CRISPLD2: variants seen among roughly 807,000 people sequenced by gnomAD.
CRISPLD2 encodes cysteine-rich secretory protein LCCL domain-containing 2.
A neutral mutation model predicts 71.1 loss-of-function variants in CRISPLD2; 47 were observed. The observed-to-expected ratio is 0.66, with a 90% CI of 0.52 to 0.84. The LOEUF is 0.84. Among genes scored for constraint, CRISPLD2 ranks in the 40% least tolerant of loss-of-function variants. CRISPLD2 has a pLI of 0.00. For missense variants in CRISPLD2, 830 were observed against 651.1 expected (o/e 1.27, Z -2.99); for synonymous variants, 317 against 250.1 (o/e 1.27, Z -2.52).
At chr16:84,835,377 G>A (rs1049893653) in intron 1 of CRISPLD2, among the ~76,000 whole-genome samples, 11 of 152,178 alleles carry the variant, frequency 7.2e-5, no homozygotes, top group African/African-American at 2.4e-4. Flanking sequence ...GGGCCACCAT[G>A]CCCGGCCTAT....
intron 1 of CRISPLD2, among the ~76,000 whole-genome samples, chr16:84,831,606 A>G (rs1222922672): frequency 2.0e-5 from 3 of 151,506 alleles, no homozygotes. Context: ...GGAGCTCACC[A>G]TGTTTCCCAG....
chr16:84,831,156 G>A (rs1028512101), intron 1 of CRISPLD2, among the ~76,000 whole-genome samples: 5 of 152,170 alleles, frequency 3.3e-5, no homozygotes, highest in South Asian at 2.1e-4. Flanking sequence ...CAGCTGAGAC[G>A]CAGCCATGGA....
At chr16:84,895,261 C>T (rs935399275) in intron 14 of CRISPLD2, among the ~76,000 whole-genome samples, 5 of 152,136 alleles carry the variant, frequency 3.3e-5, no homozygotes, top group Admixed American at 2.6e-4. Context: ...AAACCTAGGC[C>T]GCCTGTACCA....
chr16:84,886,253 A>G (rs1009967155), intron 13 of CRISPLD2, among the ~76,000 whole-genome samples: 2 of 152,060 alleles, frequency 1.3e-5, no homozygotes, highest in African/African-American at 2.4e-5. Context: ...GCTAGATTGT[A>G]TTGCTTGTCC....
At chr16:84,887,674 C>T (rs889518602) in intron 13 of CRISPLD2, among the ~76,000 whole-genome samples, 4 of 152,052 alleles carry the variant, frequency 2.6e-5, no homozygotes, top group African/African-American at 4.8e-5. Flanking sequence ...GTCAGGAGTT[C>T]GACACCAGCC....
intron 6 of CRISPLD2, among the ~76,000 whole-genome samples, chr16:84,860,058 C>A (rs191988753): frequency 2.1e-5 from 3 of 144,728 alleles, no homozygotes; most frequent in Non-Finnish European, 4.5e-5. Flanking sequence ...GACTAATCCA[C>A]TCTACCATCC....
intron 1 of CRISPLD2, among the ~76,000 whole-genome samples, chr16:84,833,704 G>A (rs548804931): frequency 6.6e-6 from 1 of 152,328 alleles, no homozygotes; most frequent in Admixed American, 6.5e-5. Flanking sequence ...TCAAAGGCGA[G>A]TGGGCAGCAC....
intron 1 of CRISPLD2, among the ~76,000 whole-genome samples, chr16:84,835,854 C>T (rs946796150): frequency 4.6e-5 from 7 of 152,166 alleles, no homozygotes; most frequent in Admixed American, 3.3e-4. Flanking sequence ...CTCAGGAGGA[C>T]GTGCCAGAGG....
chr16:84,901,605 G>A (rs2071754896), intron 14 of CRISPLD2, among the ~76,000 whole-genome samples: 1 of 150,592 alleles, frequency 6.6e-6, no homozygotes, highest in African/African-American at 2.5e-5. Context: ...CCGAGTAGCT[G>A]GGATTACAGG....
chr16:84,829,652 T>G lies in CRISPLD2; in HGVS notation c.-74-8770T>G, dbSNP rs116807993. Reference sequence around the variant, plus strand: ...GGGCCACAGGTCAGAACTGCCCTGATGTTTAAGAGAGTCGCTGCGTGGACG... The same window carrying G: ...GGGCCACAGGTCAGAACTGCCCTGAGGTTTAAGAGAGTCGCTGCGTGGACG... On this transcript the variant is annotated intron_variant, in intron 1 of 14. Coordinates refer to ENST00000262424, the MANE Select transcript of CRISPLD2 (RefSeq NM_031476.4). 4.7e-3 allele frequency among the ~76,000 whole-genome samples: 714 copies of G among 152,308 alleles called. 4 individuals are homozygous for G. The highest frequency in any genetic ancestry group is 0.016 in the African/African-American group (676 of 41,558).
chr16:84,870,905 A>G (rs369283209), intron 8 of CRISPLD2, among the ~76,000 whole-genome samples: 8 of 151,758 alleles, frequency 5.3e-5, no homozygotes, highest in African/African-American at 1.9e-4. Context: ...TAGAAATACA[A>G]AAATTAGCTG....
Position 84,889,315 on chromosome 16 carries a change from A to T in CRISPLD2, c.1391A>T (p.Lys464Ile). ...GGDVDVMPVD[K>I]KKTYVGSLRN... ...GACGTGGACGTGATGCCCGTGGATAAAAAGAAGACCTACGTGGGCTCGCTC... is the reference window on the plus strand; with the variant it reads ...GACGTGGACGTGATGCCCGTGGATATAAAGAAGACCTACGTGGGCTCGCTC... Residue 464 changes from lysine (K) to isoleucine (I), a missense_variant, in exon 14 of 15, where the codon AAA becomes ATA. Transcript: ENST00000262424. 4 of 1,614,134 alleles carry T rather than the reference A, an allele frequency of 2.5e-6. No homozygotes were observed. Among genetic ancestry groups the T allele is most frequent in the Non-Finnish European group, 2.5e-6 (3 of 1,180,002 alleles).
chr16:84,887,515 G>A lies in CRISPLD2; in HGVS notation c.1306-1715G>A, dbSNP rs74031014. On this transcript the variant is annotated intron_variant, in intron 13 of 14. Coordinates refer to ENST00000262424, the MANE Select transcript of CRISPLD2 (RefSeq NM_031476.4). ...TGCCGGGGACTGATCAGGCGAGTCC[G>A]TGAGCCTGGGTGAGCCTGTTGTCCA... Among the ~76,000 whole-genome samples the A allele has an allele frequency of 6.9e-3, 1,048 of 152,326 alleles. 7 individuals are homozygous for A. Among genetic ancestry groups the A allele is most frequent in the African/African-American group, 0.024 (980 of 41,566 alleles).
chr16:84,868,752 G>A (rs1917610680), intron 7 of CRISPLD2, 99 bp from the exon 8 acceptor site: 1 of 998,604 alleles, frequency 1.0e-6, no homozygotes, highest in Admixed American at 1.9e-5. Flanking sequence ...AGCACGGATT[G>A]GATTGCAGAA....
At chr16:84,825,756 A>G (rs1597443375) in intron 1 of CRISPLD2, among the ~76,000 whole-genome samples, 1 of 151,686 alleles carries the variant, frequency 6.6e-6, no homozygotes, top group African/African-American at 2.4e-5. Flanking sequence ...CTCCATCTCA[A>G]ATAAATAAAT....
chr16:84,826,215 A>G (rs1916348766), intron 1 of CRISPLD2, among the ~76,000 whole-genome samples: 2 of 152,242 alleles, frequency 1.3e-5, no homozygotes, highest in South Asian at 4.1e-4. Context: ...TGGTGTGACC[A>G]GAAAGAAGTC....
At chr16:84,825,332 G>T (rs994379442) in intron 1 of CRISPLD2, among the ~76,000 whole-genome samples, 5 of 152,180 alleles carry the variant, frequency 3.3e-5, no homozygotes, top group African/African-American at 1.2e-4. Context: ...GGAGGTCTAG[G>T]CGGGAGGATT....
At chr16:84,882,471 C>T (rs1049699380) in intron 13 of CRISPLD2, among the ~76,000 whole-genome samples, 2 of 151,702 alleles carry the variant, frequency 1.3e-5, no homozygotes, top group Admixed American at 6.6e-5. Flanking sequence ...AGTGCAATTG[C>T]ACGATCTCGG....
At chr16:84,875,859 C>T (rs1308853807) in intron 11 of CRISPLD2, among the ~76,000 whole-genome samples, 2 of 151,570 alleles carry the variant, frequency 1.3e-5, no homozygotes. Flanking sequence ...AGCCATTGCA[C>T]CCGGCCTGGA....
Sources: allele counts gnomAD v4.1 joint callset (sites outside exome capture counted in the v4.1 genomes callset), GRCh38; gene constraint gnomAD v4.1.1; transcripts MANE v1.5; gene names NCBI Gene and HGNC (gene_info 2026-07-23, HGNC 2026-07-21).